Variants in RPH3A observed in about 807,000 individuals in gnomAD.
RPH3A encodes rabphilin 3A.
Under a neutral mutation model 102.2 loss-of-function variants are expected in RPH3A, and 48 were observed. That is an observed-to-expected ratio of 0.47 (90% confidence interval 0.37 to 0.60). RPH3A has a LOEUF of 0.60. RPH3A is among the 20% of genes least tolerant of loss of function. The pLI, the probability that RPH3A is intolerant of heterozygous loss-of-function variation, is 0.00. For synonymous variants in RPH3A, 310 were observed against 324.3 expected (o/e 0.96, Z 0.47); for missense variants, 781 against 910.1 (o/e 0.86, Z 1.83).
chr12:112,889,344 T>C (rs1218971042), intron 17 of RPH3A, among the ~76,000 whole-genome samples: 2 of 152,248 alleles, frequency 1.3e-5, no homozygotes, highest in Non-Finnish European at 2.9e-5. Context: ...TCTTCCCATC[T>C]TGCTATGGTG....
intron 1 of RPH3A, among the ~76,000 whole-genome samples, chr12:112,695,650 A>G (rs756086480): frequency 4.1e-4 from 62 of 152,356 alleles, no homozygotes; most frequent in Middle Eastern, 3.4e-3. Flanking sequence ...AGGTAGGGGT[A>G]TCCCCATTAT....
At chr12:112,844,646 T>C (rs1311707378) in intron 4 of RPH3A, among the ~76,000 whole-genome samples, 1 of 152,220 alleles carries the variant, frequency 6.6e-6, no homozygotes, top group African/African-American at 2.4e-5. Flanking sequence ...GAATGTGTCA[T>C]GCAGCAATAG....
intron 1 of RPH3A, among the ~76,000 whole-genome samples, chr12:112,658,066 G>A (rs945792208): frequency 3.9e-5 from 6 of 152,176 alleles, no homozygotes; most frequent in Admixed American, 3.9e-4. Context: ...ATTGCACAGA[G>A]CCTTGTAGAC....
chr12:112,797,522 G>A (rs1379042106), intron 2 of RPH3A, among the ~76,000 whole-genome samples: 2 of 151,898 alleles, frequency 1.3e-5, no homozygotes, highest in African/African-American at 2.4e-5. Flanking sequence ...TTAGCATGTC[G>A]CTCCCATTCC....
intron 3 of RPH3A, among the ~76,000 whole-genome samples, chr12:112,829,398 G>A (rs192623749): frequency 6.6e-6 from 1 of 151,598 alleles, no homozygotes; most frequent in Non-Finnish European, 1.5e-5. Context: ...AGCCTCCTGA[G>A]TAGCTTGGAC....
At chr12:112,682,266 C>A (rs971775338) in intron 1 of RPH3A, among the ~76,000 whole-genome samples, 3 of 151,984 alleles carry the variant, frequency 2.0e-5, no homozygotes, top group Non-Finnish European at 4.4e-5. Context: ...GACTGAAGAG[C>A]TGAGAACCTG....
chr12:112,610,602 G>T (rs1377186456), intron 1 of RPH3A, among the ~76,000 whole-genome samples: 1 of 150,628 alleles, frequency 6.6e-6, no homozygotes, highest in Non-Finnish European at 1.5e-5. Context: ...TATCTTCAAA[G>T]CACTTAAACA....
At chr12:112,694,338 G>T (rs1357106540) in intron 1 of RPH3A, among the ~76,000 whole-genome samples, 1 of 152,132 alleles carries the variant, frequency 6.6e-6, no homozygotes, top group East Asian at 1.9e-4. Context: ...CACACGAGGG[G>T]CAGTGACAAA....
Position 112,651,055 on chromosome 12 carries a change from GT to G in RPH3A, c.-140+75738del, listed in dbSNP as rs2039971419. ...AACATTTAATTTTTAATACAACTGT[GT>G]TCATATTATTAATACCATTCAAGGC... On this transcript the variant is annotated intron_variant, in intron 1 of 21. Transcript: ENST00000543106. 2.0e-5 allele frequency among the ~76,000 whole-genome samples: 3 copies of G among 150,098 alleles called. No homozygotes were observed. In the South Asian group the frequency reaches 6.7e-4, roughly 33 times the overall value.
intron 1 of RPH3A, among the ~76,000 whole-genome samples, chr12:112,684,051 G>A (rs954839227): frequency 6.6e-6 from 1 of 151,770 alleles, no homozygotes; most frequent in Non-Finnish European, 1.5e-5. Context: ...AGATATATAG[G>A]CATCTATCTG....
intron 1 of RPH3A, among the ~76,000 whole-genome samples, chr12:112,612,918 C>A (rs1234705849): frequency 6.6e-6 from 1 of 151,870 alleles, no homozygotes; most frequent in Non-Finnish European, 1.5e-5. Context: ...AGGTGAAGTC[C>A]AAAGAGAGCA....
At chr12:112,751,399 G>A (rs1477800592) in intron 1 of RPH3A, among the ~76,000 whole-genome samples, 1 of 152,116 alleles carries the variant, frequency 6.6e-6, no homozygotes, top group Non-Finnish European at 1.5e-5. Context: ...ACGTTGAAAG[G>A]TTACACACCT....
chr12:112,755,425 G>T (rs1396824184), intron 1 of RPH3A, among the ~76,000 whole-genome samples: 1 of 151,696 alleles, frequency 6.6e-6, no homozygotes, highest in Non-Finnish European at 1.5e-5. Flanking sequence ...ACTCTCTGAT[G>T]GTGTTATACA....
intron 1 of RPH3A, among the ~76,000 whole-genome samples, chr12:112,718,684 A>G (rs1042505723): frequency 3.3e-5 from 5 of 152,330 alleles, no homozygotes; most frequent in African/African-American, 1.2e-4. Context: ...ACTCTTCTCT[A>G]ACATTGTAAT....
intron 1 of RPH3A, among the ~76,000 whole-genome samples, chr12:112,726,797 C>A (rs1036106239): frequency 1.3e-5 from 2 of 151,856 alleles, no homozygotes; most frequent in African/African-American, 4.8e-5. Context: ...CTGAGGCAGG[C>A]GGATCACCTG....
At chr12:112,697,499 A>G (rs1007756527) in intron 1 of RPH3A, among the ~76,000 whole-genome samples, 8 of 152,204 alleles carry the variant, frequency 5.3e-5, no homozygotes, top group Non-Finnish European at 1.2e-4. Context: ...ATTCCATACT[A>G]TGGGTCGGAA....
chr12:112,761,503 A>G (rs899678467), intron 1 of RPH3A, among the ~76,000 whole-genome samples: 4 of 152,244 alleles, frequency 2.6e-5, no homozygotes, highest in Non-Finnish European at 5.9e-5. Context: ...TCAAGATCAC[A>G]GTACCAGTCA....
At chr12:112,658,366 G>A (rs2040027296) in intron 1 of RPH3A, among the ~76,000 whole-genome samples, 1 of 151,980 alleles carries the variant, frequency 6.6e-6, no homozygotes, top group Non-Finnish European at 1.5e-5. Flanking sequence ...TAGTAGAGAC[G>A]GGGTTTTGTC....
At chr12:112,808,478 A>AT (rs992926465) in intron 2 of RPH3A, among the ~76,000 whole-genome samples, 1 of 152,188 alleles carries the variant, frequency 6.6e-6, no homozygotes, top group African/African-American at 2.4e-5. Flanking sequence ...GTGGTGGATT[A>AT]TTTTTTAAAA....
Sources: gnomAD v4.1 joint callset for allele counts (sites outside exome capture counted in the v4.1 genomes callset) on GRCh38, gnomAD v4.1.1 for gene constraint, MANE v1.5 for transcripts, NCBI Gene and HGNC (gene_info 2026-07-23, HGNC 2026-07-21) for gene names.